The following RNF169 variants were observed in gnomAD, a reference collection of about 807,000 sequenced individuals.
RNF169 encodes the protein ring finger protein 169, also known as E3 ubiquitin-protein ligase RNF169.
A neutral mutation model predicts 53.9 loss-of-function variants in RNF169; 24 were observed. The observed-to-expected ratio is 0.45, with a 90% CI of 0.32 to 0.63. The LOEUF is 0.63. RNF169 is among the 20% of genes least tolerant of loss of function. RNF169 has a pLI of 0.04. For synonymous variants in RNF169, 396 were observed against 363.5 expected (o/e 1.09, Z -1.02); for missense variants, 883 against 906.2 (o/e 0.97, Z 0.33).
intron 1 of RNF169, among the ~76,000 whole-genome samples, chr11:74,752,101 G>A (rs893421376): frequency 6.6e-6 from 1 of 151,488 alleles, no homozygotes. Flanking sequence ...GCATGGTGGT[G>A]TGTGCCTGTA....
chr11:74,798,034 C>T (rs1304772394), intron 2 of RNF169, among the ~76,000 whole-genome samples: 7 of 152,178 alleles, frequency 4.6e-5, no homozygotes, highest in Non-Finnish European at 8.8e-5. Context: ...TTACTTTAAT[C>T]TCTTAATCCT....
chr11:74,774,478 T>C (rs2035303665), intron 1 of RNF169, among the ~76,000 whole-genome samples: 1 of 152,216 alleles, frequency 6.6e-6, no homozygotes, highest in East Asian at 1.9e-4. Context: ...GTTTTTAGGC[T>C]AAGTAAAGAT....
chr11:74,751,890 G>A (rs1003265772), intron 1 of RNF169, among the ~76,000 whole-genome samples: 20 of 152,058 alleles, frequency 1.3e-4, no homozygotes, highest in Non-Finnish European at 2.4e-4. Flanking sequence ...TTTTTAATAG[G>A]CAGTGCATTC....
intron 1 of RNF169, among the ~76,000 whole-genome samples, chr11:74,788,906 T>G (rs1346556794): frequency 6.6e-6 from 1 of 152,034 alleles, no homozygotes; most frequent in Non-Finnish European, 1.5e-5. Flanking sequence ...GGGGAGAGAG[T>G]GGGCTCAACT....
intron 1 of RNF169, among the ~76,000 whole-genome samples, chr11:74,787,610 C>T (rs1051937327): frequency 2.0e-5 from 3 of 152,092 alleles, no homozygotes; most frequent in African/African-American, 7.2e-5. Context: ...ATAGCCACTG[C>T]ACTCCCTCCT....
intron 1 of RNF169, among the ~76,000 whole-genome samples, chr11:74,785,195 A>G (rs1417756109): frequency 8.4e-6 from 1 of 119,438 alleles, no homozygotes; most frequent in African/African-American, 4.7e-5. Flanking sequence ...TGATATATAT[A>G]TGATATATAT....
intron 4 of RNF169, among the ~76,000 whole-genome samples, chr11:74,819,476 A>G (rs1335189493): frequency 6.6e-6 from 1 of 152,166 alleles, no homozygotes; most frequent in Non-Finnish European, 1.5e-5. Flanking sequence ...AAACTCATCA[A>G]AGGCAGGGAT....
intron 2 of RNF169, among the ~76,000 whole-genome samples, chr11:74,791,609 C>T (rs1170204724): frequency 6.6e-6 from 1 of 152,250 alleles, no homozygotes; most frequent in Non-Finnish European, 1.5e-5. Flanking sequence ...TCTCACCCAG[C>T]TGGGTAGTGA....
At chr11:74,835,135 C>T (rs1393602019) in intron 5 of RNF169, among the ~76,000 whole-genome samples, 2 of 152,066 alleles carry the variant, frequency 1.3e-5, no homozygotes, top group Non-Finnish European at 2.9e-5. Flanking sequence ...AGGCACATGC[C>T]ACCATACCTG....
intron 1 of RNF169, among the ~76,000 whole-genome samples, chr11:74,772,677 G>T (rs2035277864): frequency 6.6e-6 from 1 of 151,988 alleles, no homozygotes. Flanking sequence ...GATAATAATG[G>T]TAACAGCCTC....
rs559723118 is a variant in RNF169, at chr11:74,798,731, CAT to C, written c.576+9033_576+9034del. 1.4e-4 allele frequency among the ~76,000 whole-genome samples: 22 copies of C among 152,250 alleles called. No homozygotes were observed. In the South Asian group the frequency reaches 2.7e-3, roughly 19 times the overall value. ...GCTTGGGCATCACGGAACCTACTGA[CAT>C]GTGATGTTTCCCCTGGATGCCCATC... On this transcript the variant is annotated intron_variant, in intron 2 of 5. Coordinates refer to ENST00000299563, the MANE Select transcript of RNF169 (RefSeq NM_001098638.2).
chr11:74,786,957 C>T (rs1466634579), intron 1 of RNF169, among the ~76,000 whole-genome samples: 1 of 152,174 alleles, frequency 6.6e-6, no homozygotes, highest in Non-Finnish European at 1.5e-5. Flanking sequence ...TTCTACCAGG[C>T]TATTGCTAAA....
At chr11:74,829,845 G>T (rs533117882) in intron 4 of RNF169, among the ~76,000 whole-genome samples, 1 of 151,986 alleles carries the variant, frequency 6.6e-6, no homozygotes, top group Admixed American at 6.6e-5. Context: ...ACACACTGGG[G>T]CCTGCAGGAG....
intron 1 of RNF169, among the ~76,000 whole-genome samples, chr11:74,758,480 G>A (rs987794049): frequency 4.0e-5 from 6 of 151,100 alleles, no homozygotes; most frequent in African/African-American, 1.2e-4. Flanking sequence ...TTGGCGATGC[G>A]GGCTCTTTTT....
intron 3 of RNF169, among the ~76,000 whole-genome samples, chr11:74,816,518 C>T (rs747196606): frequency 6.6e-6 from 1 of 152,120 alleles, no homozygotes; most frequent in Non-Finnish European, 1.5e-5. Context: ...TAAAAAGGGA[C>T]TCCAAAGTAA....
chr11:74,830,615 A>G (rs1255125643), intron 4 of RNF169: 1 of 152,114 alleles, frequency 6.6e-6, no homozygotes, highest in Non-Finnish European at 1.5e-5. Flanking sequence ...TCAAACAACT[A>G]AAGAAGAATT....
chr11:74,822,500 T>C (rs1027640905), intron 4 of RNF169, among the ~76,000 whole-genome samples: 2 of 152,234 alleles, frequency 1.3e-5, no homozygotes, highest in Non-Finnish European at 2.9e-5. Flanking sequence ...CTTCATTATG[T>C]GTTCAGATAG....
rs1355906881 is a variant in RNF169, at chr11:74,815,109, C to G, written c.724-2487C>G. Reference sequence around the variant, plus strand: ...GGATTTAATTTATGCATGCTTTGTACCATTTTAGGAATCCATAGTACCTTG... The same window carrying G: ...GGATTTAATTTATGCATGCTTTGTAGCATTTTAGGAATCCATAGTACCTTG... On this transcript the variant is annotated intron_variant, in intron 3 of 5. Transcript: ENST00000299563. Among the ~76,000 whole-genome samples the G allele has an allele frequency of 5.9e-5, 9 of 151,936 alleles. No individual in the cohort carries two copies. In the East Asian group the frequency reaches 1.7e-3, roughly 29 times the overall value.
intron 1 of RNF169, among the ~76,000 whole-genome samples, chr11:74,750,982 C>G (rs1197645557): frequency 1.4e-5 from 2 of 144,576 alleles, no homozygotes; most frequent in Middle Eastern, 3.7e-3. Flanking sequence ...TCAAGCGATT[C>G]TCCTGCCTCC....
Sources: gnomAD v4.1 joint callset for allele counts (sites outside exome capture counted in the v4.1 genomes callset) on GRCh38, gnomAD v4.1.1 for gene constraint, MANE v1.5 for transcripts, NCBI Gene and HGNC (gene_info 2026-07-23, HGNC 2026-07-21) for gene names.